UHRF2: variants seen among roughly 807,000 people sequenced by gnomAD.
The protein encoded by UHRF2 is E3 ubiquitin-protein ligase UHRF2.
Under a neutral mutation model 96.8 loss-of-function variants are expected in UHRF2, and 23 were observed. The ratio of observed to expected loss-of-function variants is 0.24; its 90% CI spans 0.17 to 0.34. The LOEUF is 0.34. Ranked by LOEUF, UHRF2 falls within the 10% of genes least tolerant of loss-of-function variation. The pLI is 1.00. For synonymous variants in UHRF2, 385 were observed against 332.6 expected, an observed-to-expected ratio of 1.16 and a Z score of -1.72; for missense variants, 685 against 981.5, an observed-to-expected ratio of 0.70 and a Z score of 4.04.
In UHRF2 at chr9:6,433,955, T is replaced by G. The variant is rs750492759; in HGVS notation, c.426T>G (p.Ala142=). The change falls in exon 3 of 16, where the codon GCT becomes GCG. Residue 142 remains alanine (A), a synonymous_variant. Transcript: ENST00000276893. ...ATGCCAGAGATGTCGGCCTTGGTGC[T>G]TGGTTTGAAGCACACATACATAGTG... ...LVDARDVGLG[A]WFEAHIHSVT... 5 of 1,612,194 alleles carry G rather than the reference T, an allele frequency of 3.1e-6. No individual in the cohort carries two copies. The South Asian group carries it at 5.5e-5, about 18-fold the overall frequency.
At chr9:6,430,762 A>G (rs1012026965) in intron 2 of UHRF2, among the ~76,000 whole-genome samples, 1 of 152,156 alleles carries the variant, frequency 6.6e-6, no homozygotes, top group African/African-American at 2.4e-5. Context: ...CATGGAAAAC[A>G]CAATAAAGGC....
chr9:6,417,851 C>G (rs370408971), intron 1 of UHRF2, among the ~76,000 whole-genome samples: 12 of 152,066 alleles, frequency 7.9e-5, no homozygotes, highest in African/African-American at 2.9e-4. Flanking sequence ...TACTCCTGAC[C>G]GTCATTTAGT....
At chr9:6,485,409 TC>T (rs927461347) in intron 8 of UHRF2, among the ~76,000 whole-genome samples, 2 of 152,076 alleles carry the variant, frequency 1.3e-5, no homozygotes, top group Non-Finnish European at 2.9e-5. Context: ...GAGGTTGTTT[TC>T]CTGAGCATCT....
chr9:6,469,657 G>GGT (rs34918540), intron 4 of UHRF2, among the ~76,000 whole-genome samples: 38,578 of 147,760 alleles, frequency 0.26, 5,476 homozygotes, highest in African/African-American at 0.38. Flanking sequence ...CTTGATGAAA[G>GGT]GTGTGTGTGT....
At chr9:6,481,205 A>G (rs983432456) in intron 6 of UHRF2, among the ~76,000 whole-genome samples, 2 of 152,208 alleles carry the variant, frequency 1.3e-5, no homozygotes, top group Admixed American at 6.5e-5. Flanking sequence ...GAAGTCCTGT[A>G]TACTTGTTAT....
At chr9:6,483,912 C>T (rs1406496714) in intron 8 of UHRF2, among the ~76,000 whole-genome samples, 8 of 152,154 alleles carry the variant, frequency 5.3e-5, no homozygotes, top group African/African-American at 1.2e-4. Context: ...TGGTCTCGAA[C>T]TCCCAACCTC....
intron 6 of UHRF2, among the ~76,000 whole-genome samples, chr9:6,478,881 T>G (rs73399089): frequency 0.03 from 4,565 of 152,290 alleles, 245 homozygotes; most frequent in African/African-American, 0.1. Flanking sequence ...ACACTCTGAA[T>G]TTTACCATCG....
At chr9:6,415,285 TGTAC>T (rs1819532406) in intron 1 of UHRF2, 1 of 152,240 alleles carries the variant, frequency 6.6e-6, no homozygotes, top group Non-Finnish European at 1.5e-5. Flanking sequence ...GGATAACCGT[TGTAC>T]TTCCTCTTCC....
intron 2 of UHRF2, among the ~76,000 whole-genome samples, chr9:6,432,361 T>C (rs1820605393): frequency 6.6e-6 from 1 of 152,228 alleles, no homozygotes; most frequent in Non-Finnish European, 1.5e-5. Flanking sequence ...CATTTTGTGG[T>C]TTGAAACCTT....
intron 13 of UHRF2, 134 bp downstream of exon 13, chr9:6,500,065 TG>T (rs1816203544): frequency 1.6e-6 from 1 of 638,880 alleles, no homozygotes; most frequent in African/African-American, 1.8e-5. Context: ...CTTGACCTCC[TG>T]GGCTCAAGCG....
At chr9:6,442,574 G>A (rs1015149997) in intron 3 of UHRF2, among the ~76,000 whole-genome samples, 2 of 152,056 alleles carry the variant, frequency 1.3e-5, no homozygotes, top group African/African-American at 4.8e-5. Flanking sequence ...GACTTTCTGG[G>A]CTGAAGTGAT....
chr9:6,482,171 G>A, intron 8 of UHRF2, 72 bp downstream of exon 8: 2 of 1,217,902 alleles, frequency 1.6e-6, no homozygotes, highest in South Asian at 1.3e-5. Flanking sequence ...AATGTCTGTT[G>A]ATTGTAAGTG....
chr9:6,477,647 G>C lies in UHRF2; in HGVS notation c.999G>C (p.Leu333=). The C allele has an allele frequency of 6.2e-7, 1 of 1,613,754 alleles. No homozygotes were observed. The highest frequency in any genetic ancestry group is 8.5e-7 in the Non-Finnish European group (1 of 1,179,762). ...FLRRNDPECD[L]CGGDPEKKCH... The stretch of plus-strand genomic sequence containing the variant: ...GGCGAAATGACCCTGAATGTGACCT[G>C]TGTGGTGGAGACCCAGAAAAGAAAT... The change falls in exon 6 of 16, where the codon CTG becomes CTC. Residue 333 remains leucine, a synonymous_variant. Transcript: ENST00000276893.
chr9:6,486,827 G>T lies in UHRF2; in HGVS notation c.1399G>T (p.Glu467Ter). The T allele has an allele frequency of 6.2e-7, 1 of 1,614,052 alleles. No individual in the cohort carries two copies. Among genetic ancestry groups the T allele is most frequent in the Non-Finnish European group, 8.5e-7 (1 of 1,179,952 alleles). Residue 467 changes from glutamate to a stop codon, truncating the protein, a stop_gained, in exon 9 of 16, where the codon GAA becomes TAA. Transcript: ENST00000276893. LOFTEE classifies it high-confidence loss of function. ...CTCTTTAATTGTTTTATAGGTGAGC[G>T]AAGCAGGTGTTCACAGACCCCATGT... ...STWRFRVQVS[E>*]AGVHRPHVGG...
At chr9:6,488,159 C>A (rs1255282899) in intron 9 of UHRF2, among the ~76,000 whole-genome samples, 1 of 149,628 alleles carries the variant, frequency 6.7e-6, no homozygotes, top group Non-Finnish European at 1.5e-5. Flanking sequence ...AGGAGGATTG[C>A]TTGAGCTCAG....
chr9:6,452,803 T>C (rs534914857), intron 3 of UHRF2, among the ~76,000 whole-genome samples: 1 of 152,208 alleles, frequency 6.6e-6, no homozygotes, highest in Admixed American at 6.5e-5. Context: ...TCTGGGACAT[T>C]TCAGTTTGGG....
At chr9:6,467,332 C>A (rs1822930647) in intron 4 of UHRF2, among the ~76,000 whole-genome samples, 1 of 152,142 alleles carries the variant, frequency 6.6e-6, no homozygotes, top group African/African-American at 2.4e-5. Context: ...CTCCCCTTCC[C>A]CTGTGATTAT....
intron 8 of UHRF2, 131 bp downstream of exon 8, chr9:6,482,230 A>T (rs1310042304): frequency 6.6e-6 from 5 of 758,170 alleles, no homozygotes; most frequent in Non-Finnish European, 1.1e-5. Context: ...ATTTTTTAGG[A>T]TGGGTGTACT....
intron 3 of UHRF2, among the ~76,000 whole-genome samples, chr9:6,443,904 C>G (rs1821335046): frequency 6.6e-6 from 1 of 152,216 alleles, no homozygotes; most frequent in Non-Finnish European, 1.5e-5. Context: ...GAGCTATTCT[C>G]AGTCTGTGGT....
Sources: allele counts gnomAD v4.1 joint callset (sites outside exome capture counted in the v4.1 genomes callset), GRCh38; gene constraint gnomAD v4.1.1; transcripts MANE v1.5; gene names NCBI Gene and HGNC (gene_info 2026-07-23, HGNC 2026-07-21).